Variants in RCSD1 observed in about 807,000 individuals in gnomAD.
The protein encoded by RCSD1 is RCSD domain containing 1.
In RCSD1, 26 loss-of-function variants were observed where a neutral mutation model predicts 42.5. That is an observed-to-expected ratio of 0.61 (90% CI 0.45 to 0.85). The LOEUF is 0.85. Among genes scored for constraint, RCSD1 ranks in the 40% least tolerant of loss-of-function variants. The probability of loss-of-function intolerance (pLI) is 0.00; values close to 1 mark genes in which losing one functional copy is unlikely to be tolerated. For synonymous variants in RCSD1, 220 were observed against 212.2 expected, an observed-to-expected ratio of 1.04 and a Z score of -0.32; for missense variants, 571 against 528.3, an observed-to-expected ratio of 1.08 and a Z score of -0.79.
chr1:167,695,006 A>G (rs1659462926), intron 5 of RCSD1, among the ~76,000 whole-genome samples: 1 of 152,142 alleles, frequency 6.6e-6, no homozygotes, highest in Non-Finnish European at 1.5e-5. Context: ...GAGAATGCTA[A>G]ATGGGTGTGG....
intron 4 of RCSD1, among the ~76,000 whole-genome samples, chr1:167,690,760 C>T (rs1156883222): frequency 6.6e-6 from 1 of 152,196 alleles, no homozygotes. Context: ...GCCTCTCTCC[C>T]AAGGCCTGAA....
chr1:167,708,312 C>T lies in RCSD1; in HGVS notation c.*3616C>T, dbSNP rs534797400. 4.2e-4 allele frequency among the ~76,000 whole-genome samples: 64 copies of T among 152,282 alleles called. No homozygotes were observed. The highest frequency in any genetic ancestry group is 1.5e-3 in the African/African-American group (61 of 41,546). Reference sequence around the variant, plus strand: ...GCAGGCAAAAAACAACAGCTGTTTCCCATAGGGCAAAACCTGAAACACCCA... The same window carrying T: ...GCAGGCAAAAAACAACAGCTGTTTCTCATAGGGCAAAACCTGAAACACCCA... On this transcript the variant is annotated 3_prime_UTR_variant, in exon 7 of 7. Coordinates refer to ENST00000367854, the MANE Select transcript of RCSD1 (RefSeq NM_052862.4).
At chr1:167,668,399 A>C (rs1658713772) in intron 1 of RCSD1, among the ~76,000 whole-genome samples, 1 of 151,604 alleles carries the variant, frequency 6.6e-6, no homozygotes, top group Admixed American at 6.6e-5. Context: ...GCCCTTGGCT[A>C]CCTCTGGCCA....
intron 6 of RCSD1, among the ~76,000 whole-genome samples, chr1:167,698,475 T>C (rs112219183): frequency 4.9e-4 from 74 of 152,298 alleles, no homozygotes; most frequent in African/African-American, 1.6e-3. Context: ...CTCTCAGGGA[T>C]TGGGCATCTG....
At chr1:167,693,854 G>C (rs776305819) in intron 4 of RCSD1, among the ~76,000 whole-genome samples, 1 of 151,500 alleles carries the variant, frequency 6.6e-6, no homozygotes, top group African/African-American at 2.4e-5. Flanking sequence ...TTGGATCCTC[G>C]TCAGTGCTGG....
At chr1:167,660,432 G>C (rs59342046) in intron 1 of RCSD1, among the ~76,000 whole-genome samples, 17,001 of 151,616 alleles carry the variant, frequency 0.11, 1,324 homozygotes, top group African/African-American at 0.21. Context: ...ATGCCCCCTA[G>C]AGTTACAACC....
At chr1:167,639,912 G>A (rs1479471970) in intron 1 of RCSD1, among the ~76,000 whole-genome samples, 2 of 152,246 alleles carry the variant, frequency 1.3e-5, no homozygotes, top group African/African-American at 4.8e-5. Flanking sequence ...ATGCCCTCAA[G>A]GGGTCTTTCT....
At chr1:167,671,912 C>G (rs1201759478) in intron 1 of RCSD1, among the ~76,000 whole-genome samples, 1 of 152,182 alleles carries the variant, frequency 6.6e-6, no homozygotes, top group African/African-American at 2.4e-5. Context: ...CTGTGCAGCT[C>G]CCTCGTGAGA....
intron 2 of RCSD1, among the ~76,000 whole-genome samples, chr1:167,684,570 G>T (rs948510816): frequency 2.0e-5 from 3 of 152,264 alleles, no homozygotes; most frequent in South Asian, 2.1e-4. Flanking sequence ...AGTGTGAGAA[G>T]CTCATTAGAA....
intron 1 of RCSD1, chr1:167,633,891 T>C (rs756320942): frequency 2.0e-5 from 3 of 152,130 alleles, no homozygotes; most frequent in African/African-American, 7.2e-5. Flanking sequence ...GTAAAGACCA[T>C]GCGCTGGAAG....
chr1:167,653,187 C>T (rs553604677), intron 1 of RCSD1, among the ~76,000 whole-genome samples: 6 of 152,206 alleles, frequency 3.9e-5, no homozygotes, highest in Admixed American at 2.0e-4. Flanking sequence ...CTGTCAATGT[C>T]ATGTGTCTTC....
intron 5 of RCSD1, among the ~76,000 whole-genome samples, chr1:167,695,556 T>TTTTTTTTA (rs1659479137): frequency 7.4e-6 from 1 of 134,864 alleles, no homozygotes; most frequent in African/African-American, 2.8e-5. Flanking sequence ...TTTTTTTTTT[T>TTTTTTTTA]GAGGCAAGGT....
chr1:167,646,377 A>G (rs1334825330), intron 1 of RCSD1, among the ~76,000 whole-genome samples: 3 of 151,334 alleles, frequency 2.0e-5, no homozygotes, highest in African/African-American at 7.3e-5. Context: ...CATTTGAGGA[A>G]TGCCAGGAAG....
chr1:167,695,209 CT>C (rs955124195), intron 5 of RCSD1, among the ~76,000 whole-genome samples: 2 of 152,268 alleles, frequency 1.3e-5, no homozygotes, highest in African/African-American at 4.8e-5. Context: ...ATGGAGACCC[CT>C]GAAGGCAGAG....
intron 1 of RCSD1, among the ~76,000 whole-genome samples, chr1:167,650,727 G>T (rs143875182): frequency 6.6e-6 from 1 of 152,210 alleles, no homozygotes; most frequent in Non-Finnish European, 1.5e-5. Flanking sequence ...AGCAGGGAGT[G>T]GAGCCAATGG....
At chr1:167,657,807 A>G (rs1658455772) in intron 1 of RCSD1, among the ~76,000 whole-genome samples, 1 of 152,056 alleles carries the variant, frequency 6.6e-6, no homozygotes, top group South Asian at 2.1e-4. Flanking sequence ...GATGTTTTCC[A>G]TATTATATAT....
chr1:167,695,047 T>G (rs1009731266), intron 5 of RCSD1, among the ~76,000 whole-genome samples: 3 of 152,008 alleles, frequency 2.0e-5, no homozygotes, highest in Admixed American at 6.5e-5. Flanking sequence ...AATGAGATCT[T>G]CTAGGCCATT....
chr1:167,675,757 G>A (rs555602517), intron 1 of RCSD1, among the ~76,000 whole-genome samples: 3 of 152,334 alleles, frequency 2.0e-5, no homozygotes, highest in South Asian at 4.1e-4. Flanking sequence ...GGGTTGGGGT[G>A]AGAGTGTCTG....
intron 1 of RCSD1, among the ~76,000 whole-genome samples, chr1:167,651,472 C>G (rs114710228): frequency 6.6e-6 from 1 of 152,180 alleles, no homozygotes; most frequent in Non-Finnish European, 1.5e-5. Flanking sequence ...GGCACTGTTG[C>G]TATGCAACTC....
Sources: gnomAD v4.1 joint callset for allele counts (sites outside exome capture counted in the v4.1 genomes callset) on GRCh38, gnomAD v4.1.1 for gene constraint, MANE v1.5 for transcripts, NCBI Gene and HGNC (gene_info 2026-07-23, HGNC 2026-07-21) for gene names.